MINDY4: variants seen among roughly 807,000 people sequenced by gnomAD.
MINDY4 encodes probable ubiquitin carboxyl-terminal hydrolase MINDY-4.
MINDY4 carries 68 observed loss-of-function variants against 87.0 expected under a neutral mutation model. The observed-to-expected ratio is 0.78, with a 90% CI of 0.64 to 0.96. MINDY4 has a LOEUF of 0.96. Ranked by LOEUF, MINDY4 falls within the 40% of genes least tolerant of loss-of-function variation. The pLI is 0.00. For missense variants in MINDY4, 919 were observed against 928.2 expected (o/e 0.99, Z 0.13); for synonymous variants, 379 against 363.2 (o/e 1.04, Z -0.50).
rs58571588 is a variant in MINDY4 at position 30,871,023 on chromosome 7, G to A, written c.1746-1220G>A. On this transcript the variant is annotated intron_variant, in intron 13 of 17. Transcript: ENST00000265299. ...TCCAGTGTGACCCCCAGGGCCGTGT[G>A]TGCCCCCAGGGTTGTGTGTACCCCC... Among the ~76,000 whole-genome samples, 1,222 of 151,722 alleles carry A rather than the reference G, an allele frequency of 8.1e-3. 13 individuals carry two copies. The highest frequency in any genetic ancestry group is 0.028 in the African/African-American group (1,142 of 41,360).
chr7:30,839,235 C>T lies in MINDY4; in HGVS notation c.1275C>T (p.Cys425=). The stretch of plus-strand genomic sequence containing the variant: ...CCCTTCTGTTTGGTTCCAGCTTTTG[C>T]TGTTTCAATGAAGAATGGAAACTTC... The part of the protein sequence containing the change: ...IKTLLFGSSF[C]CFNEEWKLQS... Residue 425 remains cysteine (C), a synonymous_variant, in exon 8 of 18, where the codon TGC becomes TGT. Transcript: ENST00000265299. 6.2e-7 allele frequency: 1 copy of T among 1,611,108 alleles called. No individual in the cohort carries two copies. Among genetic ancestry groups the T allele is most frequent in the South Asian group, 1.1e-5 (1 of 89,976 alleles).
At chr7:30,853,244 T>C in intron 11 of MINDY4, 150 bp from the exon 12 acceptor site, 1 of 675,996 alleles carries the variant, frequency 1.5e-6, no homozygotes, top group Non-Finnish European at 2.7e-6. Flanking sequence ...GCCGTGCCTC[T>C]CAGCCCTGAC....
intron 5 of MINDY4, among the ~76,000 whole-genome samples, chr7:30,798,621 C>T (rs4509209): frequency 0.5 from 76,705 of 151,934 alleles, 19,986 homozygotes; most frequent in African/African-American, 0.58. Context: ...CTCAGCCTCC[C>T]GAGTAGCTGG....
chr7:30,775,276 A>C lies in MINDY4; in HGVS notation c.64-3156A>C, dbSNP rs539009779. Reference sequence around the variant, plus strand: ...CTGAACTTCTGACCAACTAGCTATAAATTGAGGGTTCCCACAACCCCCTCC... The same window carrying C: ...CTGAACTTCTGACCAACTAGCTATACATTGAGGGTTCCCACAACCCCCTCC... On this transcript the variant is annotated intron_variant, in intron 1 of 17. Coordinates refer to ENST00000265299, the MANE Select transcript of MINDY4 (RefSeq NM_032222.3). Among the ~76,000 whole-genome samples, 3 of 152,226 alleles carry C rather than the reference A, an allele frequency of 2.0e-5. No individual in the cohort carries two copies. The South Asian group carries it at 6.2e-4, about 32-fold the overall frequency.
Position 30,782,099 on chromosome 7 carries a change from G to C in MINDY4, c.306G>C (p.Lys102Asn), listed in dbSNP as rs4720023. ...DTPIPALSVP[K>N]KNNKVPSRCS... ...CAATCCCTGCACTCTCAGTTCCAAAGAAAAATAACAAAGTGCCATCAAGAT... is the reference window on the plus strand; with the variant it reads ...CAATCCCTGCACTCTCAGTTCCAAACAAAAATAACAAAGTGCCATCAAGAT... Residue 102 changes from lysine to asparagine, a missense_variant, in exon 3 of 18, where the codon AAG becomes AAC. Lys to Asn is a moderately conservative substitution (Grantham distance 94). Coordinates refer to ENST00000265299, the MANE Select transcript of MINDY4 (RefSeq NM_032222.3). 3.7e-6 allele frequency: 6 copies of C among 1,614,066 alleles called. No individual in the cohort carries two copies. The highest frequency in any genetic ancestry group is 5.1e-6 in the Non-Finnish European group (6 of 1,179,996).
chr7:30,854,039 G>A (rs141757181), intron 12 of MINDY4, among the ~76,000 whole-genome samples: 195 of 152,302 alleles, frequency 1.3e-3, no homozygotes, highest in African/African-American at 4.2e-3. Flanking sequence ...GCGGGACGTG[G>A]CCAGGGCCAG....
In MINDY4 at chr7:30,853,457, C is replaced by G; in HGVS notation, c.1675C>G (p.Gln559Glu). 6.2e-7 allele frequency: 1 copy of G among 1,611,348 alleles called. No individual in the cohort carries two copies. Among genetic ancestry groups the G allele is most frequent in the South Asian group, 1.1e-5 (1 of 90,438 alleles). ...LVTFLQQSIH[Q>E]FEVGPYGCIL... ...GACTTTTCTTCAACAAAGCATTCAT[C>G]AGGTATGAAGCATGCCTTACTCCTG... The change falls in exon 12 of 18, where the codon CAG becomes GAG. Residue 559 changes from glutamine (Q) to glutamate (E), a missense_variant and splice_region_variant. Transcript: ENST00000265299.
intron 9 of MINDY4, among the ~76,000 whole-genome samples, chr7:30,847,187 A>C (rs117272384): frequency 6.6e-6 from 1 of 152,318 alleles, no homozygotes; most frequent in East Asian, 1.9e-4. Context: ...CTGTCTGATC[A>C]CTGTACTTTT....
At chr7:30,792,917 A>G (rs1787367134) in intron 5 of MINDY4, among the ~76,000 whole-genome samples, 1 of 151,654 alleles carries the variant, frequency 6.6e-6, no homozygotes, top group South Asian at 2.1e-4. Context: ...ACTGATTCTC[A>G]GCCTTCTTCT....
At chr7:30,849,363 C>T (rs189948943) in intron 9 of MINDY4, among the ~76,000 whole-genome samples, 15 of 152,268 alleles carry the variant, frequency 9.9e-5, no homozygotes, top group African/African-American at 3.6e-4. Context: ...AGCTAGCTTC[C>T]GTATGAGTTT....
chr7:30,807,745 T>C (rs1787855490), intron 5 of MINDY4, among the ~76,000 whole-genome samples: 1 of 152,126 alleles, frequency 6.6e-6, no homozygotes, highest in Non-Finnish European at 1.5e-5. Context: ...CCCTGTCCTG[T>C]TCTGTTCTGT....
chr7:30,804,842 C>T (rs1787759148), intron 5 of MINDY4, among the ~76,000 whole-genome samples: 1 of 152,070 alleles, frequency 6.6e-6, no homozygotes, highest in South Asian at 2.1e-4. Flanking sequence ...CTGTTGAGAG[C>T]TGGCATTAGC....
At chr7:30,797,112 T>C (rs1018822821) in intron 5 of MINDY4, among the ~76,000 whole-genome samples, 7 of 152,184 alleles carry the variant, frequency 4.6e-5, no homozygotes, top group African/African-American at 9.6e-5. Flanking sequence ...CCATGGAGAT[T>C]GGCAAATGCA....
intron 9 of MINDY4, 140 bp from the exon 10 acceptor site, chr7:30,850,313 TG>T: frequency 1.4e-6 from 1 of 738,176 alleles, no homozygotes; most frequent in Non-Finnish European, 2.3e-6. Context: ...TTGGGGCTCC[TG>T]GGCTGCAGGT....
chr7:30,803,938 A>G (rs1254665648), intron 5 of MINDY4, among the ~76,000 whole-genome samples: 1 of 152,208 alleles, frequency 6.6e-6, no homozygotes, highest in African/African-American at 2.4e-5. Flanking sequence ...ACCCTGTGAT[A>G]GGCTGGATGC....
intron 5 of MINDY4, among the ~76,000 whole-genome samples, chr7:30,817,832 TC>T (rs755413231): frequency 9.8e-5 from 15 of 152,354 alleles, no homozygotes; most frequent in Non-Finnish European, 1.8e-4. Flanking sequence ...TTCATTATAA[TC>T]TAACCCTCTT....
intron 13 of MINDY4, among the ~76,000 whole-genome samples, 161 bp downstream of exon 13, chr7:30,859,485 G>T (rs1423340341): frequency 3.3e-5 from 5 of 152,236 alleles, no homozygotes; most frequent in Non-Finnish European, 7.3e-5. Flanking sequence ...TCTGCTGGTG[G>T]AGGAGAGAAA....
chr7:30,809,254 G>A (rs897374212), intron 5 of MINDY4, among the ~76,000 whole-genome samples: 2 of 151,866 alleles, frequency 1.3e-5, no homozygotes, highest in Admixed American at 1.3e-4. Flanking sequence ...AGTAACCTGC[G>A]GATGGCCCAA....
chr7:30,888,112 C>G (rs1379639372), intron 17 of MINDY4, among the ~76,000 whole-genome samples: 1 of 152,010 alleles, frequency 6.6e-6, no homozygotes, highest in Non-Finnish European at 1.5e-5. Context: ...AACACTGGGT[C>G]CATCAACGTT....
Sources: gnomAD v4.1 joint callset for allele counts (sites outside exome capture counted in the v4.1 genomes callset) on GRCh38, gnomAD v4.1.1 for gene constraint, MANE v1.5 for transcripts, NCBI Gene and HGNC (gene_info 2026-07-23, HGNC 2026-07-21) for gene names.